The following GMPR variants were observed in gnomAD, a reference collection of about 807,000 sequenced individuals.
GMPR encodes the protein GMP reductase 1.
In GMPR, 31 loss-of-function variants were observed where a neutral mutation model predicts 38.4. The ratio of observed to expected loss-of-function variants is 0.81; its 90% CI spans 0.61 to 1.09. The LOEUF is 1.09. Ranked by LOEUF, GMPR falls within the 50% of genes least tolerant of loss-of-function variation. The pLI is 0.00. For synonymous variants in GMPR, 162 were observed against 173.3 expected, an observed-to-expected ratio of 0.93 and a Z score of 0.51; for missense variants, 468 against 453.7, an observed-to-expected ratio of 1.03 and a Z score of -0.29.
At chr6:16,255,651 C>G (rs1480764263) in intron 4 of GMPR, among the ~76,000 whole-genome samples, 1 of 152,144 alleles carries the variant, frequency 6.6e-6, no homozygotes. Flanking sequence ...CTTAGCAGCT[C>G]TAGAGTACAA....
chr6:16,246,984 T>C lies in GMPR; in HGVS notation c.207+23T>C, dbSNP rs376565645. 1.4e-5 allele frequency: 22 copies of C among 1,610,724 alleles called. No individual in the cohort carries two copies. The South Asian group carries it at 2.0e-4, about 15-fold the overall frequency. ...CAGGTGAGGCGGTAGGCTTTTGTTT[T>C]TTCCCTTTGCTGCTCACACTGTGGA... On this transcript the variant is annotated intron_variant, in intron 2 of 8. Transcript: ENST00000259727.
At position 16,292,290 on chromosome 6, in the gene GMPR, T is replaced by A. The variant is rs550733275; in HGVS notation, c.857+1669T>A. ...AATCTCAGAACTCCACTGAGATTTG[T>A]AGGTGGGGGGATTGGGGGGAGTGGG... On this transcript the variant is annotated intron_variant, in intron 8 of 8. Transcript: ENST00000259727. 2.6e-5 allele frequency among the ~76,000 whole-genome samples: 4 copies of A among 151,874 alleles called. No individual in the cohort carries two copies. In the South Asian group the frequency reaches 8.3e-4, roughly 32 times the overall value.
chr6:16,281,257 T>C (rs1388420278), intron 6 of GMPR, among the ~76,000 whole-genome samples: 1 of 152,204 alleles, frequency 6.6e-6, no homozygotes, highest in East Asian at 1.9e-4. Context: ...CAGGTAGTTC[T>C]GATGTCCTCT....
chr6:16,268,963 C>T (rs975480512), intron 4 of GMPR, among the ~76,000 whole-genome samples: 1 of 149,864 alleles, frequency 6.7e-6, no homozygotes, highest in Admixed American at 6.6e-5. Flanking sequence ...GTGTACAGTT[C>T]AGTGGCACTA....
At chr6:16,265,447 T>C (rs1298926730) in intron 4 of GMPR, among the ~76,000 whole-genome samples, 2 of 152,196 alleles carry the variant, frequency 1.3e-5, no homozygotes, top group Non-Finnish European at 2.9e-5. Flanking sequence ...ATGCCACCAG[T>C]TCAGGCTTGC....
chr6:16,274,626 C>T (rs1759444714), intron 5 of GMPR, 130 bp downstream of exon 5: 1 of 609,210 alleles, frequency 1.6e-6, no homozygotes, highest in African/African-American at 1.8e-5. Flanking sequence ...CATGCTTTTT[C>T]TGGAAGCATA....
At chr6:16,241,845 G>A (rs896838316) in intron 1 of GMPR, among the ~76,000 whole-genome samples, 4 of 151,990 alleles carry the variant, frequency 2.6e-5, no homozygotes, top group African/African-American at 9.7e-5. Flanking sequence ...GGGTTCAAGC[G>A]ATTCTCCTTC....
chr6:16,247,791 C>G (rs1470667327), intron 2 of GMPR, among the ~76,000 whole-genome samples: 1 of 151,862 alleles, frequency 6.6e-6, no homozygotes, highest in East Asian at 1.9e-4. Context: ...CAGATGTATA[C>G]AGAGAGAGAA....
intron 8 of GMPR, among the ~76,000 whole-genome samples, chr6:16,292,303 TG>T (rs746440068): frequency 2.0e-4 from 30 of 151,432 alleles, no homozygotes; most frequent in African/African-American, 7.3e-4. Context: ...GTGGGGGGAT[TG>T]GGGGGAGTGG....
At chr6:16,264,175 A>G (rs991196735) in intron 4 of GMPR, among the ~76,000 whole-genome samples, 1 of 151,984 alleles carries the variant, frequency 6.6e-6, no homozygotes, top group African/African-American at 2.4e-5. Context: ...CCGGCGCCGG[A>G]GTTTTGAGTC....
At chr6:16,262,711 A>G (rs1561824795) in intron 4 of GMPR, 1 of 152,058 alleles carries the variant, frequency 6.6e-6, no homozygotes, top group Non-Finnish European at 1.5e-5. Flanking sequence ...TATTTTGAGA[A>G]TAAGACGGCC....
chr6:16,290,607 A>G lies in GMPR; in HGVS notation c.843A>G (p.Gly281=). 1 of 1,614,050 alleles carries G rather than the reference A, an allele frequency of 6.2e-7. No homozygotes were observed. Among genetic ancestry groups the G allele is most frequent in the Non-Finnish European group, 8.5e-7 (1 of 1,179,994 alleles). ...CCGCCATGAACAAGCACGCAGGAGG[A>G]GTTGCTGAGTACAGGTGAGGAGGTG... is the stretch of plus-strand genomic sequence containing the variant. The part of the protein sequence containing the change: ...SDTAMNKHAG[G]VAEYRASEGK... Residue 281 remains glycine (G), a synonymous_variant, in exon 8 of 9, where the codon GGA becomes GGG. Transcript: ENST00000259727.
intron 1 of GMPR, among the ~76,000 whole-genome samples, chr6:16,240,738 A>AACT (rs1758632670): frequency 6.6e-6 from 1 of 152,362 alleles, no homozygotes; most frequent in South Asian, 2.1e-4. Context: ...GGCAGATTGT[A>AACT]ACTAATGTTC....
At chr6:16,289,197 A>C (rs149437695) in intron 7 of GMPR, among the ~76,000 whole-genome samples, 6 of 152,290 alleles carry the variant, frequency 3.9e-5, no homozygotes, top group East Asian at 1.9e-4. Flanking sequence ...CGCAGACCCC[A>C]ACCCCACCAG....
At chr6:16,266,561 G>A (rs1581656659) in intron 4 of GMPR, among the ~76,000 whole-genome samples, 2 of 151,400 alleles carry the variant, frequency 1.3e-5, no homozygotes, top group Non-Finnish European at 2.9e-5. Context: ...CTGGCACTTT[G>A]GGAGGCCGAG....
chr6:16,241,796 C>T (rs547095004), intron 1 of GMPR, among the ~76,000 whole-genome samples: 2 of 152,196 alleles, frequency 1.3e-5, no homozygotes, highest in East Asian at 3.9e-4. Context: ...GGCTGGAGTG[C>T]AGTGGTGTGA....
At chr6:16,257,837 G>A (rs2113677416) in intron 4 of GMPR, 1 of 152,340 alleles carries the variant, frequency 6.6e-6, no homozygotes, top group Admixed American at 6.5e-5. Context: ...GCACCCTTAT[G>A]ACCTAATCAC....
At chr6:16,280,552 T>G (rs1433752165) in intron 6 of GMPR, among the ~76,000 whole-genome samples, 1 of 152,238 alleles carries the variant, frequency 6.6e-6, no homozygotes, top group Admixed American at 6.5e-5. Flanking sequence ...AAGGCTGACA[T>G]AGAACTGTCG....
At chr6:16,252,125 T>G (rs1324177300) in intron 3 of GMPR, among the ~76,000 whole-genome samples, 1 of 152,284 alleles carries the variant, frequency 6.6e-6, no homozygotes, top group African/African-American at 2.4e-5. Flanking sequence ...TCTGACTCAA[T>G]AGTAAGTCCT....
Sources: allele counts gnomAD v4.1 joint callset (sites outside exome capture counted in the v4.1 genomes callset), GRCh38; gene constraint gnomAD v4.1.1; transcripts MANE v1.5; gene names NCBI Gene and HGNC (gene_info 2026-07-23, HGNC 2026-07-21).